The following MDFIC variants were observed in gnomAD, a reference collection of about 807,000 sequenced individuals.
The protein encoded by MDFIC is myoD family inhibitor domain-containing protein.
Under a neutral mutation model 23.2 loss-of-function variants are expected in MDFIC, and 17 were observed. The ratio of observed to expected loss-of-function variants is 0.73; its 90% CI spans 0.50 to 1.10. The LOEUF (loss-of-function observed/expected upper bound fraction) is 1.10. Among genes scored for constraint, MDFIC ranks in the 50% least tolerant of loss-of-function variants. The pLI is 0.00. For synonymous variants in MDFIC, 120 were observed against 115.2 expected (o/e 1.04, Z -0.27); for missense variants, 356 against 316.6 (o/e 1.12, Z -0.95).
intron 4 of MDFIC, among the ~76,000 whole-genome samples, chr7:114,992,256 C>T (rs539305601): frequency 8.3e-4 from 127 of 152,278 alleles, no homozygotes; most frequent in Non-Finnish European, 1.3e-3. Flanking sequence ...TGGGCTGAGA[C>T]GATGGGGTTT....
At chr7:114,969,758 C>G (rs1385455734) in intron 3 of MDFIC, among the ~76,000 whole-genome samples, 1 of 152,078 alleles carries the variant, frequency 6.6e-6, no homozygotes, top group African/African-American at 2.4e-5. Context: ...TAATGAGATC[C>G]AATGATCCCT....
intron 2 of MDFIC, among the ~76,000 whole-genome samples, chr7:114,925,335 C>T (rs1189488238): frequency 6.6e-6 from 1 of 152,064 alleles, no homozygotes; most frequent in African/African-American, 2.4e-5. Context: ...ATCTGAACTC[C>T]ACATCAAGTC....
chr7:114,922,144 C>G lies in MDFIC; in HGVS notation c.-600C>G, dbSNP rs929932221. On this transcript the variant is annotated 5_prime_UTR_variant, in exon 1 of 5. Transcript: ENST00000393486. ...GAGGGCGCAGCGCCCGGGTGGGGAG[C>G]CCGAGCCAGCCCAGGCCGGCTCTGG... The G allele has an allele frequency of 1.5e-5, 5 of 339,870 alleles. No homozygotes were observed. Among genetic ancestry groups the G allele is most frequent in the Non-Finnish European group, 2.6e-5 (5 of 189,228 alleles). 21.1% of individuals were successfully genotyped at this position (339,870 alleles called of 1,614,324 possible). A position where few individuals can be genotyped will look rare whatever the true frequency, so the allele number is the denominator to read the frequency against.
intron 2 of MDFIC, among the ~76,000 whole-genome samples, chr7:114,929,056 T>C (rs1051176462): frequency 9.3e-6 from 1 of 107,236 alleles, no homozygotes; most frequent in South Asian, 2.9e-4. Flanking sequence ...TATAGATAAA[T>C]ATAGATATAG....
At chr7:114,967,128 C>G (rs1055805854) in intron 3 of MDFIC, among the ~76,000 whole-genome samples, 1 of 152,152 alleles carries the variant, frequency 6.6e-6, no homozygotes, top group African/African-American at 2.4e-5. Flanking sequence ...GCTTGTTGCT[C>G]TCTGAACATT....
At position 114,936,027 on chromosome 7, in the gene MDFIC, TCTTGA is replaced by T. The variant is rs1473857933; in HGVS notation, c.95-6247_95-6243del. On this transcript the variant is annotated intron_variant, in intron 2 of 4. Coordinates refer to ENST00000393486, the MANE Select transcript of MDFIC (RefSeq NM_001166345.3). ...CTATATCAGACACTGTGCTTTCCTG[TCTTGA>T]TTTCATTTATTTCCACATCCACCTT... Among the ~76,000 whole-genome samples the T allele has an allele frequency of 7.2e-5, 11 of 152,268 alleles. No homozygotes were observed. The East Asian group carries it at 1.9e-3, about 27-fold the overall frequency.
intron 4 of MDFIC, among the ~76,000 whole-genome samples, chr7:114,994,746 T>A (rs951277920): frequency 6.6e-6 from 1 of 152,232 alleles, no homozygotes; most frequent in Non-Finnish European, 1.5e-5. Flanking sequence ...CTTCCCTTTG[T>A]GGGTAACCAG....
At chr7:114,993,345 A>G (rs1791233835) in intron 4 of MDFIC, among the ~76,000 whole-genome samples, 1 of 151,680 alleles carries the variant, frequency 6.6e-6, no homozygotes, top group African/African-American at 2.4e-5. Context: ...TTGTGTCTCT[A>G]TCTCCTTCAG....
intron 3 of MDFIC, among the ~76,000 whole-genome samples, chr7:114,951,669 T>TC (rs1792774220): frequency 6.6e-6 from 1 of 152,090 alleles, no homozygotes; most frequent in African/African-American, 2.4e-5. Flanking sequence ...TGTTTTTTTT[T>TC]CCCATGAAGT....
chr7:114,989,113 A>T (rs1320821984), intron 4 of MDFIC, among the ~76,000 whole-genome samples: 1 of 152,194 alleles, frequency 6.6e-6, no homozygotes, highest in Non-Finnish European at 1.5e-5. Flanking sequence ...CAAAGAAAAG[A>T]GGACGATTAT....
intron 4 of MDFIC, among the ~76,000 whole-genome samples, chr7:115,007,587 A>G (rs1791594099): frequency 1.4e-5 from 2 of 147,956 alleles, no homozygotes; most frequent in Non-Finnish European, 3.0e-5. Flanking sequence ...AAGAATCAAA[A>G]TATTTTCTGA....
chr7:114,975,388 C>T (rs1008587567), intron 3 of MDFIC, among the ~76,000 whole-genome samples: 1 of 152,020 alleles, frequency 6.6e-6, no homozygotes, highest in African/African-American at 2.4e-5. Context: ...ACAAGTTACA[C>T]CTCTGAAAAA....
intron 3 of MDFIC, among the ~76,000 whole-genome samples, chr7:114,978,404 T>C (rs1793355503): frequency 6.6e-6 from 1 of 152,100 alleles, no homozygotes; most frequent in Non-Finnish European, 1.5e-5. Context: ...TCTCCACTTA[T>C]TTGGGTTTTT....
intron 4 of MDFIC, among the ~76,000 whole-genome samples, chr7:115,010,403 A>G (rs1449637194): frequency 6.6e-6 from 1 of 152,200 alleles, no homozygotes; most frequent in East Asian, 1.9e-4. Flanking sequence ...TTCATTTTTG[A>G]CAAGGAATAA....
chr7:114,989,745 T>C (rs1454021380), intron 4 of MDFIC, among the ~76,000 whole-genome samples: 1 of 152,194 alleles, frequency 6.6e-6, no homozygotes, highest in Non-Finnish European at 1.5e-5. Flanking sequence ...GTAACCTCTA[T>C]TGAATGATTT....
At chr7:114,985,648 C>A (rs1793498133) in intron 4 of MDFIC, among the ~76,000 whole-genome samples, 1 of 151,898 alleles carries the variant, frequency 6.6e-6, no homozygotes, top group Non-Finnish European at 1.5e-5. Context: ...CACCACCTCC[C>A]TCTCTGAAAG....
At chr7:115,014,568 T>A in intron 4 of MDFIC, 2 of 1,225,628 alleles carry the variant, frequency 1.6e-6, no homozygotes, top group Non-Finnish European at 2.1e-6. Context: ...TTATCGCTAT[T>A]GTAGGTTGTG....
At chr7:114,934,867 A>G (rs1033406639) in intron 2 of MDFIC, among the ~76,000 whole-genome samples, 16 of 152,200 alleles carry the variant, frequency 1.1e-4, no homozygotes, top group Non-Finnish European at 4.4e-5. Context: ...TTAGAATGTT[A>G]GGCAAAGTAG....
chr7:114,923,783 T>C (rs1792138754), intron 2 of MDFIC: 1 of 609,244 alleles, frequency 1.6e-6, no homozygotes, highest in Non-Finnish European at 2.4e-6. Flanking sequence ...CTTTCTTCTC[T>C]TGAAGGCAAT....
Sources: allele counts gnomAD v4.1 joint callset (sites outside exome capture counted in the v4.1 genomes callset), GRCh38; gene constraint gnomAD v4.1.1; transcripts MANE v1.5; gene names NCBI Gene and HGNC (gene_info 2026-07-23, HGNC 2026-07-21).